The following GRIK5 variants were observed in gnomAD, a reference collection of about 807,000 sequenced individuals.
GRIK5 encodes glutamate ionotropic receptor kainate type subunit 5.
In GRIK5, 43 loss-of-function variants were observed where a neutral mutation model predicts 97.4. The ratio of observed to expected loss-of-function variants is 0.44; its 90% CI spans 0.35 to 0.57. The LOEUF (loss-of-function observed/expected upper bound fraction) is 0.57. GRIK5 is among the 20% of genes least tolerant of loss of function. The pLI is 0.01. For synonymous variants in GRIK5, 580 were observed against 583.5 expected (o/e 0.99, Z 0.09); for missense variants, 1,015 against 1,382.0 (o/e 0.73, Z 4.21).
chr19:42,012,608 G>A (rs979110367), intron 15 of GRIK5, among the ~76,000 whole-genome samples: 9 of 152,126 alleles, frequency 5.9e-5, no homozygotes, highest in Middle Eastern at 3.4e-3. Context: ...GGGCGCAGTG[G>A]TTCACACCTA....
rs775677661 is a variant in GRIK5, at chr19:42,056,720, C to T, written c.845G>A (p.Arg282His). 2.1e-5 allele frequency: 34 copies of T among 1,613,820 alleles called. No homozygotes were observed. The East Asian group carries it at 3.1e-4, about 15-fold the overall frequency. ...CTCCCTCCAGGACATGTTGAGGCTG[C>T]GGACAAACTCAGGGTAGAAGGGGTG... ...TSHPFYPEFVRSLNMSWRENC... is the reference protein window; with the variant it reads ...TSHPFYPEFVHSLNMSWRENC... The change falls in exon 8 of 20, where the codon CGC becomes CAC. Residue 282 changes from arginine to histidine, a missense_variant. Physicochemically the swap from Arg to His is conservative, Grantham distance 29 (BLOSUM62 0). Transcript: ENST00000593562.
At position 42,021,179 on chromosome 19, in the gene GRIK5, A is replaced by G. The variant is rs2075691079; in HGVS notation, c.1871+122T>C. 2 of 792,506 alleles carry G rather than the reference A, an allele frequency of 2.5e-6. No individual in the cohort carries two copies. Among genetic ancestry groups the G allele is most frequent in the Admixed American group, 5.4e-5 (2 of 36,968 alleles). 49.1% of individuals were successfully genotyped at this position (792,506 alleles called of 1,614,324 possible). On this transcript the variant is annotated intron_variant, in intron 15 of 19. Coordinates refer to ENST00000593562, the MANE Select transcript of GRIK5 (RefSeq NM_002088.5). This position sits in a 1 kb window ranked among gnomAD's most constrained non-coding sequence, Gnocchi z 4.2. ...CTCTCCCCACCCCATTCCTCGTCAC[A>G]CAGCTCTGCAAGGGAAAACGGGGAA...
At position 41,999,689 on chromosome 19, in the gene GRIK5, C is replaced by T. The variant is rs934821782; in HGVS notation, c.2515-390G>A. Reference sequence around the variant, plus strand: ...TATTTACCTGTGGCCTGCTGTGTGCCCGGCACTGTTCTGAGCACTGGGGAT... The same window carrying T: ...TATTTACCTGTGGCCTGCTGTGTGCTCGGCACTGTTCTGAGCACTGGGGAT... On this transcript the variant is annotated intron_variant, in intron 19 of 19. Coordinates refer to ENST00000593562, the MANE Select transcript of GRIK5 (RefSeq NM_002088.5). This position sits in a 1 kb window ranked among gnomAD's most constrained non-coding sequence, Gnocchi z 5.0. Among the ~76,000 whole-genome samples, 8 of 152,164 alleles carry T rather than the reference C, an allele frequency of 5.3e-5. No individual in the cohort carries two copies. Among genetic ancestry groups the T allele is most frequent in the Non-Finnish European group, 1.2e-4 (8 of 68,040 alleles).
At chr19:42,031,304 G>A (rs2075837663) in intron 12 of GRIK5, among the ~76,000 whole-genome samples, 1 of 152,202 alleles carries the variant, frequency 6.6e-6, no homozygotes. Flanking sequence ...TCCACAATTT[G>A]CACAAAGGAT....
In GRIK5 at chr19:42,021,408, G is replaced by A; in HGVS notation, c.1764C>T (p.Asn588=). ...ACAGGCTGTTGCCCAGCGTGTACTG[G>A]TTCTCCAGGATGTGGGGGCGTGCCC... ...CLRARPHILE[N]QYTLGNSLWF... The change falls in exon 15 of 20, where the codon AAC becomes AAT. Residue 588 remains asparagine, a synonymous_variant. Coordinates refer to ENST00000593562, the MANE Select transcript of GRIK5 (RefSeq NM_002088.5). The surrounding 1 kb of genome is among the most constrained non-coding windows in gnomAD (Gnocchi z 4.2). 6.2e-7 allele frequency: 1 copy of A among 1,612,418 alleles called. No homozygotes were observed. The highest frequency in any genetic ancestry group is 8.5e-7 in the Non-Finnish European group (1 of 1,179,132).
At position 42,003,937 on chromosome 19, in the gene GRIK5, C is replaced by G. The variant is rs1447956061; in HGVS notation, c.2264-254G>C. On this transcript the variant is annotated intron_variant, in intron 17 of 19. Coordinates refer to ENST00000593562, the MANE Select transcript of GRIK5 (RefSeq NM_002088.5). The surrounding 1 kb of genome is among the most constrained non-coding windows in gnomAD (Gnocchi z 4.2). ...ATGGCTTCCTGTTGCAAGCTCCTCC[C>G]CTCGGCCACTCTCAGACACCCTCAC... 2.0e-5 allele frequency among the ~76,000 whole-genome samples: 3 copies of G among 152,154 alleles called. No individual in the cohort carries two copies. The highest frequency in any genetic ancestry group is 2.0e-4 in the Admixed American group (3 of 15,282).
intron 15 of GRIK5, among the ~76,000 whole-genome samples, chr19:42,008,331 T>TG (rs1555873235): frequency 1.3e-5 from 2 of 151,990 alleles, no homozygotes; most frequent in Non-Finnish European, 2.9e-5. Flanking sequence ...ACATAATTTT[T>TG]TAAAAAAATA....
At chr19:42,066,262 G>A (rs893988532) in intron 1 of GRIK5, among the ~76,000 whole-genome samples, 1 of 151,422 alleles carries the variant, frequency 6.6e-6, no homozygotes, top group African/African-American at 2.4e-5. Flanking sequence ...TGCGGTGGTT[G>A]CTAGGCAACC....
rs1211623658 is a variant in GRIK5, at chr19:41,999,371, C to A, written c.2515-72G>T. 1.7e-5 allele frequency: 20 copies of A among 1,145,290 alleles called. No individual in the cohort carries two copies. The East Asian group carries it at 5.5e-4, about 31-fold the overall frequency. 70.9% of individuals were successfully genotyped at this position (1,145,290 alleles called of 1,614,324 possible). ...GCCTCCCCCAGCCCCTCTCCACATCCCACTCCTCCTCCTCCTTTCCTCGCC... is the reference window on the plus strand; with the variant it reads ...GCCTCCCCCAGCCCCTCTCCACATCACACTCCTCCTCCTCCTTTCCTCGCC... On this transcript the variant is annotated intron_variant, in intron 19 of 19. Transcript: ENST00000593562. This position sits in a 1 kb window ranked among gnomAD's most constrained non-coding sequence, Gnocchi z 5.0.
At chr19:42,029,806 T>C (rs2075819553) in intron 12 of GRIK5, among the ~76,000 whole-genome samples, 1 of 152,210 alleles carries the variant, frequency 6.6e-6, no homozygotes, top group Non-Finnish European at 1.5e-5. Context: ...TTACGGGCTG[T>C]AGGGAAAGTA....
Position 41,998,827 on chromosome 19 carries a change from C to T in GRIK5, c.*44G>A. Reference sequence around the variant, plus strand: ...GACTGCTGGGGCCTGGGGCGGGCCCCGTCCCTTCGGTCAGTCCGGGCGCCC... The same window carrying T: ...GACTGCTGGGGCCTGGGGCGGGCCCTGTCCCTTCGGTCAGTCCGGGCGCCC... On this transcript the variant is annotated 3_prime_UTR_variant, in exon 20 of 20. Coordinates refer to ENST00000593562, the MANE Select transcript of GRIK5 (RefSeq NM_002088.5). 1 of 1,023,068 alleles carries T rather than the reference C, an allele frequency of 9.8e-7. No homozygotes were observed. The highest frequency in any genetic ancestry group is 1.2e-6 in the Non-Finnish European group (1 of 831,816). The allele number at this position is 1,023,068 out of a possible 1,614,324, so 63.4% of individuals were successfully genotyped here.
intron 11 of GRIK5, among the ~76,000 whole-genome samples, chr19:42,050,529 G>A (rs948769011): frequency 6.6e-6 from 1 of 152,006 alleles, no homozygotes; most frequent in East Asian, 1.9e-4. Context: ...GTGGTGACGG[G>A]CGCCTGTAGT....
intron 3 of GRIK5, chr19:42,063,259 A>G (rs941207268): frequency 1.1e-5 from 5 of 461,598 alleles, no homozygotes; most frequent in African/African-American, 9.9e-5. Flanking sequence ...GGTCCCCTGG[A>G]GCCTTCCCAT....
chr19:42,021,149 C>T lies in GRIK5; in HGVS notation c.1871+152G>A. The stretch of plus-strand genomic sequence containing the variant: ...TAGCCAGTAAGCGGCAGAGCTGGAG[C>T]TCAGCTCTCCCCACCCCATTCCTCG... On this transcript the variant is annotated intron_variant, in intron 15 of 19. Coordinates refer to ENST00000593562, the MANE Select transcript of GRIK5 (RefSeq NM_002088.5). This position sits in a 1 kb window ranked among gnomAD's most constrained non-coding sequence, Gnocchi z 4.2. 1 of 658,574 alleles carries T rather than the reference C, an allele frequency of 1.5e-6. No homozygotes were observed. Among genetic ancestry groups the T allele is most frequent in the Non-Finnish European group, 2.5e-6 (1 of 397,330 alleles). The allele number at this position is 658,574 out of a possible 1,614,324, so 40.8% of individuals were successfully genotyped here. A position where few individuals can be genotyped will look rare whatever the true frequency, so the allele number is the denominator to read the frequency against.
chr19:42,019,037 G>A (rs1333564255), intron 15 of GRIK5, among the ~76,000 whole-genome samples: 1 of 152,224 alleles, frequency 6.6e-6, no homozygotes, highest in African/African-American at 2.4e-5. Flanking sequence ...TCCGATGAGG[G>A]AGGGAACATG....
At chr19:42,028,712 T>A (rs572003498) in intron 12 of GRIK5, among the ~76,000 whole-genome samples, 15 of 152,316 alleles carry the variant, frequency 9.8e-5, no homozygotes, top group African/African-American at 3.6e-4. Context: ...ACTAGGGATG[T>A]GGCCACTTCC....
Position 42,062,520 on chromosome 19 carries a change from G to T in GRIK5, c.476C>A (p.Pro159His), listed in dbSNP as rs375052706. The change falls in exon 5 of 20, where the codon CCC (proline) becomes CAC (histidine). Residue 159 changes from proline (P) to histidine (H), a missense_variant. Physicochemically the swap from Pro to His is moderately conservative, Grantham distance 77. This residue lies in a region of GRIK5 where 198 missense variants were observed against 218.2 expected (regional missense o/e 0.91). Transcript: ENST00000593562. The surrounding 1 kb of genome is among the most constrained non-coding windows in gnomAD (Gnocchi z 5.3). Reference sequence around the variant, plus strand: ...CTTGGCGCAGATGAGGCTGGCCGAGGGGTAGTTGAAGGACTTGAGGATTCG... The same window carrying T: ...CTTGGCGCAGATGAGGCTGGCCGAGTGGTAGTTGAAGGACTTGAGGATTCG... Reference protein sequence around the residue: ...VSRILKSFNYPSASLICAKAE... With the variant: ...VSRILKSFNYHSASLICAKAE... 12 of 1,614,038 alleles carry T rather than the reference G, an allele frequency of 7.4e-6. No homozygotes were observed. The African/African-American group carries it at 1.5e-4, about 20-fold the overall frequency.
intron 12 of GRIK5, among the ~76,000 whole-genome samples, chr19:42,031,291 A>G (rs1029916740): frequency 6.6e-6 from 1 of 152,182 alleles, no homozygotes; most frequent in Non-Finnish European, 1.5e-5. Flanking sequence ...GGTGACACTA[A>G]TTTCCACAAT....
At chr19:42,055,459 A>G (rs768010505) in intron 8 of GRIK5, among the ~76,000 whole-genome samples, 3 of 152,198 alleles carry the variant, frequency 2.0e-5, no homozygotes, top group South Asian at 4.1e-4. Flanking sequence ...TTTATTCAAC[A>G]TCTATTATCA....
Sources: gnomAD v4.1 joint callset for allele counts (sites outside exome capture counted in the v4.1 genomes callset) on GRCh38, gnomAD v4.1.1 for gene constraint, gnomAD v4.1.1 regional missense constraint, Gnocchi (gnomAD v3.1) non-coding constraint, MANE v1.5 for transcripts, NCBI Gene and HGNC (gene_info 2026-07-23, HGNC 2026-07-21) for gene names.